ESRRB: variants seen among roughly 807,000 people sequenced by gnomAD.
ESRRB encodes estrogen related receptor beta.
In ESRRB, 16 loss-of-function variants were observed where a neutral mutation model predicts 46.0. The ratio of observed to expected loss-of-function variants is 0.35; its 90% confidence interval spans 0.24 to 0.53. The LOEUF is 0.53. Ranked by LOEUF, ESRRB falls within the 20% of genes least tolerant of loss-of-function variation. The pLI is 0.93. For synonymous variants in ESRRB, 246 were observed against 259.6 expected, an observed-to-expected ratio of 0.95 and a Z score of 0.50; for missense variants, 488 against 607.4, an observed-to-expected ratio of 0.80 and a Z score of 2.07.
At chr14:76,360,776 C>T (rs986669136) in intron 1 of ESRRB, among the ~76,000 whole-genome samples, 1 of 152,178 alleles carries the variant, frequency 6.6e-6, no homozygotes, top group Non-Finnish European at 1.5e-5. Context: ...CAAGACTTAA[C>T]AGTTGATAGA....
chr14:76,425,940 C>T (rs769850509), intron 1 of ESRRB, among the ~76,000 whole-genome samples: 12 of 152,188 alleles, frequency 7.9e-5, no homozygotes, highest in Non-Finnish European at 1.3e-4. Context: ...GTGTGAGCCA[C>T]CACACCCAGC....
chr14:76,371,074 A>C (rs977964042), upstream of ESRRB, among the ~76,000 whole-genome samples: 1 of 152,198 alleles, frequency 6.6e-6, no homozygotes, highest in Non-Finnish European at 1.5e-5. Context: ...TTCATATTTT[A>C]TCCTTGGTGT....
At position 76,384,125 on chromosome 14, in the gene ESRRB, G is replaced by T. The variant is rs115076450; in HGVS notation, c.50+7674G>T. Among the ~76,000 whole-genome samples, 1,202 of 152,202 alleles carry T rather than the reference G, an allele frequency of 7.9e-3. 15 individuals are homozygous for T. The highest frequency in any genetic ancestry group is 0.028 in the African/African-American group (1,163 of 41,522). ...AACATTTCCTTTTGATGGTGAAACA[G>T]GACTTCAGCATGCAGAGCGCAGTAT... is the stretch of plus-strand genomic sequence containing the variant. On this transcript the variant is annotated intron_variant, in intron 1 of 6. Transcript: ENST00000644823.
intron 1 of ESRRB, among the ~76,000 whole-genome samples, chr14:76,384,773 G>A (rs531584557): frequency 1.2e-4 from 19 of 152,250 alleles, no homozygotes; most frequent in African/African-American, 4.1e-4. Flanking sequence ...ATGACTTGGC[G>A]CATGTGAATA....
chr14:76,318,694 C>T (rs1486338226), intron 1 of ESRRB, among the ~76,000 whole-genome samples: 6 of 152,176 alleles, frequency 3.9e-5, no homozygotes, highest in African/African-American at 1.4e-4. Context: ...TTGAATAGTA[C>T]CTGCTGGATA....
intron 1 of ESRRB, among the ~76,000 whole-genome samples, chr14:76,404,772 T>C (rs1476113638): frequency 6.6e-6 from 1 of 152,222 alleles, no homozygotes; most frequent in East Asian, 1.9e-4. Context: ...GATTAGCTGT[T>C]TTTTTGGCCA....
intron 1 of ESRRB, among the ~76,000 whole-genome samples, chr14:76,402,030 G>A (rs1175689842): frequency 6.6e-6 from 1 of 152,214 alleles, no homozygotes. Context: ...TCCAAAGGCG[G>A]GAGAAGGCTG....
chr14:76,496,683 G>A (rs1487187518), intron 6 of ESRRB, among the ~76,000 whole-genome samples: 2 of 152,210 alleles, frequency 1.3e-5, no homozygotes, highest in Non-Finnish European at 2.9e-5. Context: ...CCATTGAGGT[G>A]TCCTAGCAGC....
Position 76,334,715 on chromosome 14 carries a change from C to G in ESRRB, c.2+23799C>G, listed in dbSNP as rs1884105841. Among the ~76,000 whole-genome samples, 6 of 152,250 alleles carry G rather than the reference C, an allele frequency of 3.9e-5. No homozygotes were observed. The South Asian group carries it at 1.2e-3, about 32-fold the overall frequency. ...ACTTCAGAGAGTTTGTAGCTGTGGC[C>G]CAGCCTCTGACCCTCCTGTGCTGTA... On this transcript the variant is annotated intron_variant, in intron 1 of 6. Coordinates refer to the ESRRB transcript ENST00000512784.
chr14:76,394,014 T>C (rs1331648352), intron 1 of ESRRB, among the ~76,000 whole-genome samples: 1 of 140,856 alleles, frequency 7.1e-6, no homozygotes, highest in Non-Finnish European at 1.5e-5. Flanking sequence ...TTCACCACAC[T>C]GGCCAGGCTG....
rs2140065649 is a variant in ESRRB at position 76,499,144 on chromosome 14, TCTC to T, written c.*691_*693del. On this transcript the variant is annotated 3_prime_UTR_variant, in exon 7 of 7. Transcript: ENST00000644823. ...CGGTGTCCACCTGTCCTCCTCCTCT[TCTC>T]CTCCCCCCGGGAGTCCCCCGCTACT... 3.3e-6 allele frequency: 1 copy of T among 302,424 alleles called. No individual in the cohort carries two copies. Among genetic ancestry groups the T allele is most frequent in the Non-Finnish European group, 6.4e-6 (1 of 155,858 alleles). The allele number at this position is 302,424 out of a possible 1,614,324, so 18.7% of individuals were successfully genotyped here. A position where few individuals can be genotyped will look rare whatever the true frequency, so the allele number is the denominator to read the frequency against.
At chr14:76,332,836 TATA>T (rs1566853483) in intron 1 of ESRRB, among the ~76,000 whole-genome samples, 854 of 21,394 alleles carry the variant, frequency 0.04, 39 homozygotes, top group Middle Eastern at 0.062. Context: ...ATTTATATAT[TATA>T]TATTTATATA....
Position 76,439,565 on chromosome 14 carries a change from C to T in ESRRB, c.275C>T (p.Pro92Leu). 4 of 1,614,116 alleles carry T rather than the reference C, an allele frequency of 2.5e-6. No homozygotes were observed. The highest frequency in any genetic ancestry group is 3.4e-6 in the Non-Finnish European group (4 of 1,180,010). The change falls in exon 2 of 7, where the codon CCA becomes CTA. Residue 92 changes from proline (P) to leucine (L), a missense_variant. Coordinates refer to ENST00000644823, the MANE Select transcript of ESRRB (RefSeq NM_001379180.1). ...GCAGGCGCCGGGCTGGGAGGCACCC[C>T]ATGCCGCAAGAGCTACGAGGACTGT... ...MFAGAGLGGT[P>L]CRKSYEDCAS...
chr14:76,435,188 A>C (rs1446484193), intron 1 of ESRRB, among the ~76,000 whole-genome samples: 1 of 152,220 alleles, frequency 6.6e-6, no homozygotes, highest in Non-Finnish European at 1.5e-5. Context: ...AGAGTGAGGA[A>C]AACATGCAGA....
chr14:76,382,694 A>G (rs1015473640), intron 1 of ESRRB, among the ~76,000 whole-genome samples: 13 of 152,196 alleles, frequency 8.5e-5, no homozygotes, highest in African/African-American at 2.7e-4. Flanking sequence ...TATTGGCCAA[A>G]TGTTTTAAAT....
chr14:76,378,746 C>T (rs1485472591), intron 1 of ESRRB, among the ~76,000 whole-genome samples: 1 of 152,146 alleles, frequency 6.6e-6, no homozygotes, highest in African/African-American at 2.4e-5. Flanking sequence ...AGGTCTGGGG[C>T]TGGTGTCTGG....
chr14:76,479,001 A>C (rs1277052231), intron 3 of ESRRB, among the ~76,000 whole-genome samples: 1 of 152,096 alleles, frequency 6.6e-6, no homozygotes, highest in Non-Finnish European at 1.5e-5. Context: ...GCAGAAGTTG[A>C]TGGTACAGCT....
chr14:76,435,983 C>A (rs553034055), intron 1 of ESRRB, among the ~76,000 whole-genome samples: 235 of 152,302 alleles, frequency 1.5e-3, no homozygotes, highest in Non-Finnish European at 2.9e-3. Flanking sequence ...CCCGCACCAA[C>A]CCTGATAGAG....
chr14:76,490,354 C>T (rs535018644), intron 5 of ESRRB, among the ~76,000 whole-genome samples: 34 of 152,240 alleles, frequency 2.2e-4, no homozygotes, highest in Non-Finnish European at 3.7e-4. Context: ...ATTGACTTTG[C>T]CTAATTTAAG....
Sources: gnomAD v4.1 joint callset for allele counts (sites outside exome capture counted in the v4.1 genomes callset) on GRCh38, gnomAD v4.1.1 for gene constraint, MANE v1.5 for transcripts, NCBI Gene and HGNC (gene_info 2026-07-23, HGNC 2026-07-21) for gene names.